The following RAD54B variants were observed in gnomAD, a reference collection of about 807,000 sequenced individuals.
RAD54B encodes DNA repair and recombination protein RAD54B.
Under a neutral mutation model 95.8 loss-of-function variants are expected in RAD54B, and 78 were observed. That is an observed-to-expected ratio of 0.81 (90% CI 0.68 to 0.98). The LOEUF is 0.98. Among genes scored for constraint, RAD54B ranks in the 50% least tolerant of loss-of-function variants. The pLI is 0.00. For missense variants in RAD54B, 957 were observed against 1,056.6 expected (o/e 0.91, Z 1.31); for synonymous variants, 328 against 354.9 (o/e 0.92, Z 0.85).
At chr8:94,423,283 T>A (rs1811866609) in intron 3 of RAD54B, among the ~76,000 whole-genome samples, 1 of 152,104 alleles carries the variant, frequency 6.6e-6, no homozygotes, top group Admixed American at 6.5e-5. Flanking sequence ...CTCAGGAAGC[T>A]GAGGCAGGAG....
At chr8:94,404,663 C>T (rs1410018644) in intron 5 of RAD54B, among the ~76,000 whole-genome samples, 2 of 152,186 alleles carry the variant, frequency 1.3e-5, no homozygotes, top group Non-Finnish European at 2.9e-5. Flanking sequence ...CCAAATTTAA[C>T]ATACAGGCTT....
At chr8:94,471,600 T>C (rs900520718) in intron 1 of RAD54B, among the ~76,000 whole-genome samples, 12 of 152,118 alleles carry the variant, frequency 7.9e-5, no homozygotes, top group African/African-American at 2.9e-4. Flanking sequence ...ATATACATGT[T>C]ATATATTAAA....
intron 3 of RAD54B, among the ~76,000 whole-genome samples, chr8:94,437,709 G>C (rs1398629793): frequency 1.3e-5 from 2 of 152,132 alleles, no homozygotes; most frequent in Non-Finnish European, 2.9e-5. Flanking sequence ...GTGAGAAACA[G>C]TATAATCACG....
intron 3 of RAD54B, among the ~76,000 whole-genome samples, chr8:94,442,437 T>A (rs1007630280): frequency 6.6e-6 from 1 of 151,884 alleles, no homozygotes; most frequent in Non-Finnish European, 1.5e-5. Flanking sequence ...TAGCCAGGCG[T>A]GGTGGCAGGC....
At chr8:94,452,957 G>A (rs1163809746) in intron 3 of RAD54B, among the ~76,000 whole-genome samples, 1 of 152,092 alleles carries the variant, frequency 6.6e-6, no homozygotes, top group Non-Finnish European at 1.5e-5. Context: ...CATGATAAAT[G>A]CACTCCTCAC....
At chr8:94,381,606 AG>A (rs1293044894) in intron 11 of RAD54B, among the ~76,000 whole-genome samples, 1 of 152,230 alleles carries the variant, frequency 6.6e-6, no homozygotes, top group African/African-American at 2.4e-5. Flanking sequence ...ATTTTTCAAA[AG>A]GAACAATCAA....
At chr8:94,402,682 A>AAGTT (rs1426788528) in intron 6 of RAD54B, among the ~76,000 whole-genome samples, 1 of 152,144 alleles carries the variant, frequency 6.6e-6, no homozygotes, top group Non-Finnish European at 1.5e-5. Flanking sequence ...ACACTGTTCT[A>AAGTT]AGTTCTGAGA....
In RAD54B at chr8:94,399,478, G is replaced by A. The variant is rs903356776; in HGVS notation, c.1314C>T (p.Asn438=). Residue 438 remains asparagine (N), a synonymous_variant, in exon 8 of 15, where the codon AAC becomes AAT. Transcript: ENST00000336148. ...LICDEGHRLK[N]SAIKTTTALI... ...GGGCTGTAGTTGTCTTAATGGCACT[G>A]TTCTTCAAACGATGCCCCTCGTCAC... The A allele has an allele frequency of 6.2e-7, 1 of 1,613,648 alleles. No homozygotes were observed. The highest frequency in any genetic ancestry group is 8.5e-7 in the Non-Finnish European group (1 of 1,179,698).
Position 94,404,106 on chromosome 8 carries a change from T to C in RAD54B, c.915A>G (p.Ile305Met), listed in dbSNP as rs1811324820. 6.2e-7 allele frequency: 1 copy of C among 1,606,894 alleles called. No individual in the cohort carries two copies. The highest frequency in any genetic ancestry group is 8.5e-7 in the Non-Finnish European group (1 of 1,176,436). ...HLRPHQKEGI[I>M]FLYECVMGMR... ...TTCCCATTACACATTCATAAAGGAA[T>C]ATGATTCCTTCTTTCTGATGTGGTC... Residue 305 changes from isoleucine (I) to methionine (M), a missense_variant, in exon 6 of 15, where the codon ATA (isoleucine) becomes ATG (methionine). Transcript: ENST00000336148.
chr8:94,408,628 A>G (rs1280720194), intron 4 of RAD54B, among the ~76,000 whole-genome samples: 1 of 152,144 alleles, frequency 6.6e-6, no homozygotes. Context: ...ATCTGTATTT[A>G]ATATATAGTC....
At chr8:94,429,655 C>G in intron 3 of RAD54B, 1 of 983,528 alleles carries the variant, frequency 1.0e-6, no homozygotes, top group Middle Eastern at 5.2e-4. Flanking sequence ...TTAAGAATTA[C>G]AAGATTCATT....
intron 3 of RAD54B, chr8:94,431,912 G>GA (rs150872253): frequency 0.014 from 14,302 of 1,054,814 alleles, 6 homozygotes; most frequent in Middle Eastern, 0.025. Context: ...TAAACTTAGG[G>GA]AAAAAAAAAA....
At chr8:94,410,267 A>G (rs1234729265) in intron 4 of RAD54B, among the ~76,000 whole-genome samples, 1 of 152,092 alleles carries the variant, frequency 6.6e-6, no homozygotes, top group African/African-American at 2.4e-5. Context: ...TGGTTCTTTT[A>G]TGCTCCCACT....
At chr8:94,376,724 T>C (rs1367160411) in intron 14 of RAD54B, among the ~76,000 whole-genome samples, 1 of 148,632 alleles carries the variant, frequency 6.7e-6, no homozygotes, top group East Asian at 1.9e-4. Flanking sequence ...TTATATTTAT[T>C]ATATTTAGTT....
intron 2 of RAD54B, among the ~76,000 whole-genome samples, chr8:94,464,255 T>C (rs1812974203): frequency 6.6e-6 from 1 of 152,154 alleles, no homozygotes; most frequent in Non-Finnish European, 1.5e-5. Flanking sequence ...AAATGAGTTC[T>C]AGCTGCAGAA....
At chr8:94,396,783 G>A (rs1214138742) in intron 8 of RAD54B, among the ~76,000 whole-genome samples, 3 of 152,152 alleles carry the variant, frequency 2.0e-5, no homozygotes, top group African/African-American at 7.2e-5. Flanking sequence ...TGTTTTTGGA[G>A]ATAGGACCTT....
At chr8:94,452,974 C>G (rs2919667) in intron 3 of RAD54B, among the ~76,000 whole-genome samples, 47,570 of 152,024 alleles carry the variant, frequency 0.31, 7,910 homozygotes, top group East Asian at 0.43. Flanking sequence ...TCACGCATTG[C>G]TGATGAGAGT....
Position 94,458,379 on chromosome 8 carries a change from A to C in RAD54B, c.193T>G (p.Leu65Val), listed in dbSNP as rs1812825277. ...GTACTTTCTTCACTAGGCAGATTTA[A>C]ACTGCATATTCTAAGATCATTTTGT... ...PSQNDLRICS[L>V]NLPSEESTRE... Residue 65 changes from leucine (L) to valine (V), a missense_variant, in exon 3 of 15, where the codon TTA becomes GTA. Transcript: ENST00000336148. 6.2e-7 allele frequency: 1 copy of C among 1,606,024 alleles called. No homozygotes were observed. The highest frequency in any genetic ancestry group is 8.5e-7 in the Non-Finnish European group (1 of 1,176,824).
chr8:94,403,980 A>G, intron 6 of RAD54B, 97 bp downstream of exon 6: 1 of 960,338 alleles, frequency 1.0e-6, no homozygotes, highest in Non-Finnish European at 1.5e-6. Flanking sequence ...GTGTACCCTC[A>G]GGACTCATTA....
Sources: allele counts gnomAD v4.1 joint callset (sites outside exome capture counted in the v4.1 genomes callset), GRCh38; gene constraint gnomAD v4.1.1; transcripts MANE v1.5; gene names NCBI Gene and HGNC (gene_info 2026-07-23, HGNC 2026-07-21).